USP19: variants seen among roughly 807,000 people sequenced by gnomAD.
USP19 encodes ubiquitin carboxyl-terminal hydrolase 19.
A neutral mutation model predicts 144.8 loss-of-function variants in USP19; 40 were observed. The observed-to-expected ratio is 0.28, with a 90% CI of 0.21 to 0.36. The LOEUF is 0.36. Ranked by LOEUF, USP19 falls within the 10% of genes least tolerant of loss-of-function variation. The pLI, the probability that USP19 is intolerant of heterozygous loss-of-function variation, is 1.00. For synonymous variants in USP19, 701 were observed against 709.3 expected, an observed-to-expected ratio of 0.99 and a Z score of 0.19; for missense variants, 1,518 against 1,822.5, an observed-to-expected ratio of 0.83 and a Z score of 3.04.
Position 49,111,590 on chromosome 3 carries a change from T to C in USP19, c.3127A>G (p.Ser1043Gly). ...ATCTCAGAAGAAATTCCACTGGTGC[T>C]GGGCACAGGACCCCGGTCAGGGGCT... ...WAAPDRGPVP[S>G]TSGISSEMLA... Residue 1043 changes from serine (S) to glycine (G), a missense_variant, in exon 21 of 27, where the codon AGC becomes GGC. Physicochemically the swap from Ser to Gly is moderately conservative, Grantham distance 56. Around this residue, in one of 5 missense-constraint regions of USP19, gnomAD observed 413 missense variants for 515.8 expected, o/e 0.80. Transcript: ENST00000417901. The surrounding 1 kb of genome is among the most constrained non-coding windows in gnomAD (Gnocchi z 5.9). The C allele has an allele frequency of 1.9e-6, 3 of 1,613,064 alleles. No homozygotes were observed. Among genetic ancestry groups the C allele is most frequent in the South Asian group, 1.1e-5 (1 of 91,034 alleles).
chr3:49,110,703 C>G lies in USP19; in HGVS notation c.3698+8G>C, dbSNP rs368798901. ...CCCCACCCACAGTTACCAAGGTCCACTGCTTACCTAACAGGGAACTCCACC... is the reference window on the plus strand; with the variant it reads ...CCCCACCCACAGTTACCAAGGTCCAGTGCTTACCTAACAGGGAACTCCACC... On this transcript the variant is annotated splice_region_variant and intron_variant, in intron 24 of 26. Transcript: ENST00000417901. This position sits in a 1 kb window ranked among gnomAD's most constrained non-coding sequence, Gnocchi z 6.1. 9 of 1,613,608 alleles carry G rather than the reference C, an allele frequency of 5.6e-6. No individual in the cohort carries two copies. In the African/African-American group the frequency reaches 1.1e-4, roughly 19 times the overall value.
In USP19 at chr3:49,117,559, A is replaced by G; in HGVS notation, c.484T>C (p.Trp162Arg). 3.1e-6 allele frequency: 5 copies of G among 1,614,104 alleles called. No individual in the cohort carries two copies. Among genetic ancestry groups the G allele is most frequent in the Non-Finnish European group, 4.2e-6 (5 of 1,180,040 alleles). The change falls in exon 5 of 27, where the codon TGG becomes CGG. Residue 162 changes from tryptophan to arginine, a missense_variant. Physicochemically the swap from Trp to Arg is moderately radical, Grantham distance 101 (BLOSUM62 -3). Transcript: ENST00000417901. The surrounding 1 kb of genome is among the most constrained non-coding windows in gnomAD (Gnocchi z 4.4). ...ATCTCAGCATAGAAGACACCACCCC[A>G]CTGCTGACCACCTGGGGACAGAGCA... The part of the protein sequence containing the change: ...CVVRFAGGQQ[W>R]GGVFYAEIKS...
At position 49,115,263 on chromosome 3, in the gene USP19, C is replaced by T. The variant is rs1199179619; in HGVS notation, c.1987G>A (p.Gly663Ser). 8 of 1,613,978 alleles carry T rather than the reference C, an allele frequency of 5.0e-6. No individual in the cohort carries two copies. ...GAAGGCTGGAAGGCATGGTGGGTGCCCTTCCACAGCGCCCGAAGCAGCACG... is the reference window on the plus strand; with the variant it reads ...GAAGGCTGGAAGGCATGGTGGGTGCTCTTCCACAGCGCCCGAAGCAGCACG... Reference protein sequence around the residue: ...FAVLLRALWKGTHHAFQPSKL... With the variant: ...FAVLLRALWKSTHHAFQPSKL... The change falls in exon 13 of 27, where the codon GGC becomes AGC. Residue 663 changes from glycine to serine, a missense_variant. Gly to Ser is a moderately conservative substitution (Grantham distance 56). Transcript: ENST00000417901. This position sits in a 1 kb window ranked among gnomAD's most constrained non-coding sequence, Gnocchi z 6.6.
rs1468080556 is a variant in USP19, at chr3:49,117,995, A to C, written c.250T>G (p.Ser84Ala). 9.3e-6 allele frequency: 15 copies of C among 1,608,632 alleles called. No individual in the cohort carries two copies. Among genetic ancestry groups the C allele is most frequent in the Non-Finnish European group, 1.3e-5 (15 of 1,178,796 alleles). The change falls in exon 3 of 27, where the codon TCA (serine) becomes GCA (alanine). Residue 84 changes from serine (S) to alanine (A), a missense_variant. Physicochemically the swap from Ser to Ala is moderately conservative, Grantham distance 99. Coordinates refer to ENST00000417901, the MANE Select transcript of USP19 (RefSeq NM_001199161.2). This position sits in a 1 kb window ranked among gnomAD's most constrained non-coding sequence, Gnocchi z 4.4. ...SRHRTRLFFP[S>A]SSGSASTPQE... ...GGAGTGGATGCTGACCCTGACGATG[A>C]AGGAAAGAACAGCCGGGTACGGTGG... is the stretch of plus-strand genomic sequence containing the variant.
rs2043096577 is a variant in USP19, at chr3:49,111,196, A to C, written c.3329-30T>G. The stretch of plus-strand genomic sequence containing the variant: ...AGATTCGCAGGGAGAGAGGTCATGC[A>C]GCTGTGGAGAACAGCCAGCTCAACC... On this transcript the variant is annotated intron_variant, in intron 22 of 26. Coordinates refer to ENST00000417901, the MANE Select transcript of USP19 (RefSeq NM_001199161.2). This position sits in a 1 kb window ranked among gnomAD's most constrained non-coding sequence, Gnocchi z 5.9. 1 of 1,613,944 alleles carries C rather than the reference A, an allele frequency of 6.2e-7. No homozygotes were observed. Among genetic ancestry groups the C allele is most frequent in the Non-Finnish European group, 8.5e-7 (1 of 1,180,010 alleles).
chr3:49,118,035 C>G lies in USP19; in HGVS notation c.210G>C (p.Gly70=), dbSNP rs374044689. Residue 70 remains glycine (G), a synonymous_variant, in exon 3 of 27, where the codon GGG becomes GGC. Coordinates refer to ENST00000417901, the MANE Select transcript of USP19 (RefSeq NM_001199161.2). The part of the protein sequence containing the change: ...DPSASASHAA[G]ITGSRHRTRL... The stretch of plus-strand genomic sequence containing the variant: ...GGGTACGGTGGCGTGAGCCTGTGAT[C>G]CCAGCTGCATGGGAGGCTGAGGCAG... 2,219 of 1,599,894 alleles carry G rather than the reference C, an allele frequency of 1.4e-3. 4 individuals are homozygous for G. The highest frequency in any genetic ancestry group is 1.8e-3 in the Non-Finnish European group (2,091 of 1,176,926).
At chr3:49,118,922 AGAG>A (rs1484184512) in intron 2 of USP19, 97 bp downstream of exon 2, 3 of 1,547,710 alleles carry the variant, frequency 1.9e-6, no homozygotes, top group Non-Finnish European at 2.6e-6. Flanking sequence ...AAACCAGGAC[AGAG>A]AGAAGAACAA....
In USP19 at chr3:49,110,940, C is replaced by CT. The variant is rs1281861070; in HGVS notation, c.3545+9dup. 4 of 1,613,970 alleles carry CT rather than the reference C, an allele frequency of 2.5e-6. No individual in the cohort carries two copies. The highest frequency in any genetic ancestry group is 3.4e-6 in the Non-Finnish European group (4 of 1,180,022). On this transcript the variant is annotated intron_variant, in intron 23 of 26. Coordinates refer to ENST00000417901, the MANE Select transcript of USP19 (RefSeq NM_001199161.2). The surrounding 1 kb of genome is among the most constrained non-coding windows in gnomAD (Gnocchi z 6.1). The stretch of plus-strand genomic sequence containing the variant: ...CCTGCCCCCTTATCTACTTGCTGCT[C>CT]TGTTCTCACCAGGCCTCCTCGGGTG...
At chr3:49,120,122 G>T (rs927607459) in intron 1 of USP19, among the ~76,000 whole-genome samples, 24 of 152,202 alleles carry the variant, frequency 1.6e-4, no homozygotes, top group African/African-American at 5.8e-4. Context: ...CCTCCAAAAT[G>T]AAGGTCTTGA....
In USP19 at chr3:49,117,220, CCT is replaced by C; in HGVS notation, c.746_747del (p.Gln249ArgfsTer4). 1 of 1,548,972 alleles carries C rather than the reference CCT, an allele frequency of 6.5e-7. No homozygotes were observed. The highest frequency in any genetic ancestry group is 8.7e-7 in the Non-Finnish European group (1 of 1,147,536). On this transcript the variant is annotated frameshift_variant, in exon 6 of 27. Coordinates refer to ENST00000417901, the MANE Select transcript of USP19 (RefSeq NM_001199161.2). LOFTEE classifies it high-confidence loss of function. The surrounding 1 kb of genome is among the most constrained non-coding windows in gnomAD (Gnocchi z 4.4). Reference protein sequence around the residue: ...KQEARNQKRAQGRGEVGAGAG... With the variant: ...KQEARNQKRAXGRGEVGAGAG... ...GCCCCTGCGCCTACCTCACCACGGC[CCT>C]GGGCCCGCTTCTGGTTCCGGGCCTC...
chr3:49,111,850 C>T lies in USP19; in HGVS notation c.2904-37G>A, dbSNP rs2043199977. 6.3e-7 allele frequency: 1 copy of T among 1,596,824 alleles called. No homozygotes were observed. The highest frequency in any genetic ancestry group is 8.5e-7 in the Non-Finnish European group (1 of 1,170,064). ...GAACAACGCAAGTAAGACTCCTGAC[C>T]AGCCCATCTAGCACCTCTGCCCCCA... is the stretch of plus-strand genomic sequence containing the variant. On this transcript the variant is annotated intron_variant, in intron 20 of 26. Transcript: ENST00000417901. This position sits in a 1 kb window ranked among gnomAD's most constrained non-coding sequence, Gnocchi z 5.9.
chr3:49,110,328 C>T lies in USP19; in HGVS notation c.3894G>A (p.Thr1298=), dbSNP rs374526322. 1.0e-5 allele frequency: 16 copies of T among 1,601,566 alleles called. No individual in the cohort carries two copies. Among genetic ancestry groups the T allele is most frequent in the Non-Finnish European group, 1.2e-5 (14 of 1,172,386 alleles). Residue 1298 remains threonine, a synonymous_variant, in exon 26 of 27, where the codon ACG becomes ACA. Coordinates refer to ENST00000417901, the MANE Select transcript of USP19 (RefSeq NM_001199161.2). This position sits in a 1 kb window ranked among gnomAD's most constrained non-coding sequence, Gnocchi z 6.1. The part of the protein sequence containing the change: ...WRLFDDSTVT[T]VDESQVVTRY... ...GCGTCACAACCTGGCTCTCGTCTAC[C>T]GTTGTCACTGTGCTGTCATCAAACA...
At position 49,112,388 on chromosome 3, in the gene USP19, G is replaced by A; in HGVS notation, c.2661C>T (p.Pro887=). 1.2e-6 allele frequency: 2 copies of A among 1,614,014 alleles called. No individual in the cohort carries two copies. The highest frequency in any genetic ancestry group is 2.2e-5 in the South Asian group (2 of 91,088). ...CTGCACACTTGGAGATGGGGACGCTGGGCACCTGGGGGCGCTAGGGTGGGT... is the reference window on the plus strand; with the variant it reads ...CTGCACACTTGGAGATGGGGACGCTAGGCACCTGGGGGCGCTAGGGTGGGT... ...VLEVQQRPQV[P]SVPISKCAAC... Residue 887 remains proline (P), a synonymous_variant, in exon 19 of 27, where the codon CCC becomes CCT. Transcript: ENST00000417901. The surrounding 1 kb of genome is among the most constrained non-coding windows in gnomAD (Gnocchi z 4.9).
rs373385549 is a variant in USP19, at chr3:49,111,472, G to C, written c.3217+28C>G. ...CCATCCTCCCTTATCCTCCTCCCCA[G>C]CTTCTAGAGCCTTTCACTGGATCTT... On this transcript the variant is annotated intron_variant, in intron 21 of 26. Transcript: ENST00000417901. This position sits in a 1 kb window ranked among gnomAD's most constrained non-coding sequence, Gnocchi z 5.9. The C allele has an allele frequency of 8.7e-6, 14 of 1,611,212 alleles. No homozygotes were observed. The highest frequency in any genetic ancestry group is 2.7e-5 in the African/African-American group (2 of 74,900).
Position 49,110,881 on chromosome 3 carries a change from T to A in USP19, c.3546-18A>T. Reference sequence around the variant, plus strand: ...GGCAGTACCTGGTGGGGACAGAGATTGGGTCAGGACCAGCAAGTCTCTCTC... The same window carrying A: ...GGCAGTACCTGGTGGGGACAGAGATAGGGTCAGGACCAGCAAGTCTCTCTC... On this transcript the variant is annotated intron_variant, in intron 23 of 26. Coordinates refer to ENST00000417901, the MANE Select transcript of USP19 (RefSeq NM_001199161.2). The surrounding 1 kb of genome is among the most constrained non-coding windows in gnomAD (Gnocchi z 6.1). The A allele has an allele frequency of 6.2e-7, 1 of 1,614,056 alleles. No homozygotes were observed.
In USP19 at chr3:49,115,775, G is replaced by C; in HGVS notation, c.1641C>G (p.Thr547=). The C allele has an allele frequency of 1.2e-6, 2 of 1,613,886 alleles. No homozygotes were observed. ...GGGTTACATGCTCCATGGGTGTGCGGGTTGCCACACTGTCTAGCCCTGTGT... is the reference window on the plus strand; with the variant it reads ...GGGTTACATGCTCCATGGGTGTGCGCGTTGCCACACTGTCTAGCCCTGTGT... ...SEDTGLDSVA[T]RTPMEHVTPK... Residue 547 remains threonine (T), a synonymous_variant, in exon 11 of 27, where the codon ACC becomes ACG. Transcript: ENST00000417901. This position sits in a 1 kb window ranked among gnomAD's most constrained non-coding sequence, Gnocchi z 6.6.
rs1186405532 is a variant in USP19 at position 49,115,875 on chromosome 3, C to T, written c.1541G>A (p.Gly514Asp). 6.3e-7 allele frequency: 1 copy of T among 1,598,806 alleles called. No homozygotes were observed. Among genetic ancestry groups the T allele is most frequent in the Non-Finnish European group, 8.5e-7 (1 of 1,173,520 alleles). The change falls in exon 11 of 27, where the codon GGT becomes GAT. Residue 514 changes from glycine (G) to aspartate (D), a missense_variant. Gly to Asp is a moderately conservative substitution (Grantham distance 94). Transcript: ENST00000417901. This position sits in a 1 kb window ranked among gnomAD's most constrained non-coding sequence, Gnocchi z 6.6. ...CTGGCCTGTCAGGGGGTGGGGAGCA[C>T]CTCCTGGTGGGGTTGAATCCAGAGG... ...PTPLDSTPPG[G>D]APHPLTGQEE... is the part of the protein sequence containing the mutation.
chr3:49,119,739 TA>T (rs2044835438), intron 1 of USP19, among the ~76,000 whole-genome samples: 1 of 152,206 alleles, frequency 6.6e-6, no homozygotes, highest in East Asian at 1.9e-4. Flanking sequence ...TCTGTGGCTG[TA>T]AACAGGCTCA....
At position 49,110,240 on chromosome 3, in the gene USP19, C is replaced by T. The variant is rs577608663; in HGVS notation, c.3982G>A (p.Gly1328Ser). 5 of 1,585,150 alleles carry T rather than the reference C, an allele frequency of 3.2e-6. No homozygotes were observed. Among genetic ancestry groups the T allele is most frequent in the South Asian group, 2.3e-5 (2 of 87,202 alleles). ...AGGTCTGGGTGGTGCTCAGAGTGAC[C>T]TGCCCTGGGGGGCCTCTCCACAGGA... Reference protein sequence around the residue: ...NSPVERPPRAGHSEHHPDLGP... With the variant: ...NSPVERPPRASHSEHHPDLGP... The change falls in exon 26 of 27, where the codon GGT (glycine) becomes AGT (serine). Residue 1328 changes from glycine (G) to serine (S), a missense_variant. Transcript: ENST00000417901. This position sits in a 1 kb window ranked among gnomAD's most constrained non-coding sequence, Gnocchi z 6.1.
Sources: allele counts gnomAD v4.1 joint callset (sites outside exome capture counted in the v4.1 genomes callset), GRCh38; gene constraint gnomAD v4.1.1; regional missense constraint gnomAD v4.1.1; non-coding constraint Gnocchi (gnomAD v3.1); transcripts MANE v1.5; gene names NCBI Gene and HGNC (gene_info 2026-07-23, HGNC 2026-07-21).